Variants in SLC14A2 observed in about 807,000 individuals in gnomAD.
SLC14A2 encodes urea transporter 2.
SLC14A2 carries 91 observed loss-of-function variants against 104.6 expected under a neutral mutation model. The observed-to-expected ratio is 0.87, with a 90% CI of 0.73 to 1.04. The LOEUF is 1.04. Among genes scored for constraint, SLC14A2 ranks in the 50% least tolerant of loss-of-function variants. The pLI is 0.00. For synonymous variants in SLC14A2, 476 were observed against 466.4 expected, an observed-to-expected ratio of 1.02 and a Z score of -0.27; for missense variants, 1,189 against 1,156.0, an observed-to-expected ratio of 1.03 and a Z score of -0.41.
intron 2 of SLC14A2, among the ~76,000 whole-genome samples, chr18:45,511,533 G>T (rs1257878292): frequency 1.3e-5 from 2 of 152,128 alleles, no homozygotes; most frequent in African/African-American, 2.4e-5. Context: ...ACACCTTACA[G>T]ATTACCTTAT....
chr18:45,636,003 T>C (rs1267422602), intron 5 of SLC14A2, among the ~76,000 whole-genome samples: 2 of 152,208 alleles, frequency 1.3e-5, no homozygotes, highest in Non-Finnish European at 1.5e-5. Flanking sequence ...TTTCTCATCT[T>C]GTCACTTCTA....
At chr18:45,526,733 G>A (rs1026856615) in intron 2 of SLC14A2, among the ~76,000 whole-genome samples, 2 of 152,104 alleles carry the variant, frequency 1.3e-5, no homozygotes, top group African/African-American at 2.4e-5. Flanking sequence ...AGAGGAAGGG[G>A]AAATACATTG....
chr18:45,537,397 C>T lies in SLC14A2; in HGVS notation c.-35+54075C>T, dbSNP rs186997419. Among the ~76,000 whole-genome samples the T allele has an allele frequency of 2.1e-4, 32 of 152,106 alleles. 1 individual carries two copies. The highest frequency in any genetic ancestry group is 5.8e-4 in the East Asian group (3 of 5,162). ...ACTTCAGGTTGACTTTTGACAAAGA[C>T]GTGAAGAAGGCGAGGGAGTGAGCCA... On this transcript the variant is annotated intron_variant, in intron 2 of 20. Transcript: ENST00000586448.
At chr18:45,222,159 T>G (rs2084068735) in intron 1 of SLC14A2, among the ~76,000 whole-genome samples, 3 of 152,202 alleles carry the variant, frequency 2.0e-5, no homozygotes, top group Admixed American at 2.0e-4. Context: ...GCTATAAACC[T>G]TTTCTTTGGT....
chr18:45,649,068 G>A (rs2045681756), intron 10 of SLC14A2, among the ~76,000 whole-genome samples: 1 of 152,172 alleles, frequency 6.6e-6, no homozygotes, highest in African/African-American at 2.4e-5. Context: ...CTACTCGGGA[G>A]GCTGAGGCAG....
intron 1 of SLC14A2, among the ~76,000 whole-genome samples, chr18:45,351,412 T>C (rs1249126422): frequency 2.6e-5 from 4 of 152,152 alleles, no homozygotes; most frequent in African/African-American, 9.6e-5. Context: ...TGGTGTTCAG[T>C]GGTGTGATCC....
At chr18:45,461,453 G>A (rs1180679908) in intron 1 of SLC14A2, among the ~76,000 whole-genome samples, 2 of 152,192 alleles carry the variant, frequency 1.3e-5, no homozygotes, top group African/African-American at 4.8e-5. Context: ...TCTTTTAGAA[G>A]CTCTAGACTA....
intron 3 of SLC14A2, 139 bp downstream of exon 3, chr18:45,626,002 A>T: frequency 1.9e-6 from 1 of 536,772 alleles, no homozygotes; most frequent in East Asian, 3.5e-5. Context: ...GACCTCACCC[A>T]GGGCTGGAGT....
At chr18:45,184,066 T>G in the SLC14A2 span, among the ~76,000 whole-genome samples, 1 of 151,972 alleles carries the variant, frequency 6.6e-6, no homozygotes, top group Non-Finnish European at 1.5e-5. Context: ...CAGGGTCATT[T>G]CTGACTGTGG....
At chr18:45,327,249 T>C (rs1175470058) in intron 1 of SLC14A2, among the ~76,000 whole-genome samples, 1 of 71,722 alleles carries the variant, frequency 1.4e-5, no homozygotes, top group Non-Finnish European at 2.9e-5. Flanking sequence ...ATTAGTATAT[T>C]TTTTTTACTC....
intron 2 of SLC14A2, among the ~76,000 whole-genome samples, chr18:45,542,971 T>C (rs897247916): frequency 1.3e-5 from 2 of 152,118 alleles, no homozygotes; most frequent in African/African-American, 4.8e-5. Context: ...TTTTTTGAGA[T>C]GGAGTCTCAC....
chr18:45,298,243 C>T (rs933274510), intron 1 of SLC14A2, among the ~76,000 whole-genome samples: 2 of 152,150 alleles, frequency 1.3e-5, no homozygotes, highest in African/African-American at 2.4e-5. Context: ...TAGGAGACAT[C>T]CCAGTAATTG....
intron 2 of SLC14A2, among the ~76,000 whole-genome samples, chr18:45,585,739 C>A (rs1288918556): frequency 6.6e-6 from 1 of 152,182 alleles, no homozygotes; most frequent in African/African-American, 2.4e-5. Flanking sequence ...CGACTCCACT[C>A]CCTCCCTACT....
chr18:45,465,874 C>T (rs1474456198), intron 1 of SLC14A2, among the ~76,000 whole-genome samples: 1 of 151,790 alleles, frequency 6.6e-6, no homozygotes, highest in African/African-American at 2.4e-5. Flanking sequence ...AAAAGTGTCA[C>T]GTTGCAAATA....
rs2542998 is a variant in SLC14A2 at position 45,466,654 on chromosome 18, G to T, written c.-124-16579G>T. ...CTAACATCCTGCTGCACACTAGGAG[G>T]TTCTTTGAACAAGTAGGGTAGTCAT... On this transcript the variant is annotated intron_variant, in intron 1 of 20. Coordinates refer to the SLC14A2 transcript ENST00000586448. 2.9e-3 allele frequency among the ~76,000 whole-genome samples: 434 copies of T among 150,344 alleles called. 1 individual carries two copies. Among genetic ancestry groups the T allele is most frequent in the Non-Finnish European group, 5.3e-3 (360 of 67,710 alleles).
chr18:45,543,882 A>T (rs2144864404), intron 2 of SLC14A2, among the ~76,000 whole-genome samples: 1 of 152,336 alleles, frequency 6.6e-6, no homozygotes, highest in Non-Finnish European at 1.5e-5. Flanking sequence ...TTTATGCTAA[A>T]CACCTATGTT....
intron 10 of SLC14A2, among the ~76,000 whole-genome samples, chr18:45,663,230 G>A (rs777766538): frequency 2.0e-5 from 3 of 152,238 alleles, no homozygotes; most frequent in Admixed American, 1.3e-4. Flanking sequence ...TGATGCTGAT[G>A]CTACTGGTCC....
At chr18:45,340,677 T>C (rs1428694060) in intron 1 of SLC14A2, among the ~76,000 whole-genome samples, 1 of 152,230 alleles carries the variant, frequency 6.6e-6, no homozygotes, top group Non-Finnish European at 1.5e-5. Flanking sequence ...TTGAAAGCAT[T>C]CTTTCTCTGC....
Position 45,668,444 on chromosome 18 carries a change from T to C in SLC14A2, c.2003T>C (p.Leu668Pro). Residue 668 changes from leucine to proline, a missense_variant, in exon 15 of 20, where the codon CTG becomes CCG. Leu to Pro is a moderately conservative substitution (Grantham distance 98). Coordinates refer to ENST00000255226, the MANE Select transcript of SLC14A2 (RefSeq NM_007163.4). ...GACAAAGGTGACTACTACTGGTGGCTGTTGCTACCCGTCATCATCATGTCC... is the reference window on the plus strand; with the variant it reads ...GACAAAGGTGACTACTACTGGTGGCCGTTGCTACCCGTCATCATCATGTCC... ...FSDKGDYYWW[L>P]LLPVIIMSMS... 1.2e-6 allele frequency: 2 copies of C among 1,614,182 alleles called. No individual in the cohort carries two copies. The highest frequency in any genetic ancestry group is 2.2e-5 in the South Asian group (2 of 91,082).
Sources: allele counts gnomAD v4.1 joint callset (sites outside exome capture counted in the v4.1 genomes callset), GRCh38; gene constraint gnomAD v4.1.1; transcripts MANE v1.5; gene names NCBI Gene and HGNC (gene_info 2026-07-23, HGNC 2026-07-21).